The following RABAC1 variants were observed in gnomAD, a reference collection of about 807,000 sequenced individuals.
RABAC1 encodes the protein Rab acceptor 1, also known as prenylated Rab acceptor protein 1.
Under a neutral mutation model 22.9 loss-of-function variants are expected in RABAC1, and 16 were observed. The observed-to-expected ratio is 0.70, with a 90% CI of 0.47 to 1.06. The LOEUF is 1.06. Among genes scored for constraint, RABAC1 ranks in the 50% least tolerant of loss-of-function variants. The probability of loss-of-function intolerance (pLI) is 0.00; values close to 1 mark genes in which losing one functional copy is unlikely to be tolerated. For missense variants in RABAC1, 227 were observed against 246.5 expected (o/e 0.92, Z 0.53); for synonymous variants, 139 against 107.7 (o/e 1.29, Z -1.80).
chr19:41,957,774 A>G lies in RABAC1; in HGVS notation c.367+512T>C, dbSNP rs116843228. The G allele has an allele frequency of 2.2e-3, 354 of 159,814 alleles. 6 individuals are homozygous for G. The South Asian group carries it at 0.048, about 22-fold the overall frequency. The allele number at this position is 159,814 out of a possible 1,614,324, so 9.9% of individuals were successfully genotyped here. ...AAACCTTGATTTTCCCCTGGGGGGA[A>G]TTTCCCCTGGCATTTTGTTTTCCCA... On this transcript the variant is annotated intron_variant, in intron 3 of 4. Transcript: ENST00000222008.
At chr19:41,957,191 C>A in intron 3 of RABAC1, 72 bp from the exon 4 acceptor site, 2 of 1,291,896 alleles carry the variant, frequency 1.5e-6, no homozygotes, top group Non-Finnish European at 2.2e-6. Flanking sequence ...CTGCTGCCCC[C>A]CAACAATCCG....
At chr19:41,958,683 A>C in intron 2 of RABAC1, 53 bp downstream of exon 2, 1 of 1,552,226 alleles carries the variant, frequency 6.4e-7, no homozygotes, top group Non-Finnish European at 8.8e-7. Flanking sequence ...CGGCGAGAGG[A>C]GGGGTCCAGC....
chr19:41,959,125 A>G, intron 1 of RABAC1, 112 bp downstream of exon 1: 2 of 1,480,426 alleles, frequency 1.4e-6, no homozygotes, highest in South Asian at 1.2e-5. Flanking sequence ...CGGGGCCAAC[A>G]CTTCTGCGGC....
intron 3 of RABAC1, chr19:41,958,020 T>G: frequency 2.5e-6 from 1 of 407,056 alleles, no homozygotes; most frequent in Non-Finnish European, 4.6e-6. Context: ...GGAGGAGTCA[T>G]GTGGTTTGAA....
chr19:41,957,999 GGA>G (rs1386675546), intron 3 of RABAC1: 1 of 366,748 alleles, frequency 2.7e-6, no homozygotes, highest in Non-Finnish European at 5.2e-6. Flanking sequence ...GGCAAGGGGA[GGA>G]GAGAGAGGGG....
Position 41,958,956 on chromosome 19 carries a change from G to A in RABAC1, c.57-8C>T, listed in dbSNP as rs1555857278. 1 of 1,554,272 alleles carries A rather than the reference G, an allele frequency of 6.4e-7. No homozygotes were observed. The highest frequency in any genetic ancestry group is 8.7e-7 in the Non-Finnish European group (1 of 1,155,054). Reference sequence around the variant, plus strand: ...AGCTTCGGCAGCAGGGTCCTGCGGGGGGTGGGGCCGGGTCAGTGGTGGACC... The same window carrying A: ...AGCTTCGGCAGCAGGGTCCTGCGGGAGGTGGGGCCGGGTCAGTGGTGGACC... On this transcript the variant is annotated splice_region_variant and splice_polypyrimidine_tract_variant and intron_variant, in intron 1 of 4. Coordinates refer to ENST00000222008, the MANE Select transcript of RABAC1 (RefSeq NM_006423.3).
chr19:41,958,340 C>T lies in RABAC1; in HGVS notation c.313G>A (p.Gly105Ser). ...CGCAGATAGAGAATGTAACAGGCGC[C>T]GAAAAAGACAGCCAGAGCCACCAGC... ...MLLVALAVFF[G>S]ACYILYLRTL... The change falls in exon 3 of 5, where the codon GGC becomes AGC. Residue 105 changes from glycine (G) to serine (S), a missense_variant. Physicochemically the swap from Gly to Ser is moderately conservative, Grantham distance 56. Transcript: ENST00000222008. The T allele has an allele frequency of 1.2e-6, 2 of 1,613,478 alleles. No homozygotes were observed. Among genetic ancestry groups the T allele is most frequent in the Non-Finnish European group, 8.5e-7 (1 of 1,179,894 alleles).
intron 2 of RABAC1, 88 bp from the exon 3 acceptor site, chr19:41,958,471 A>G (rs1276438321): frequency 1.7e-5 from 22 of 1,294,338 alleles, no homozygotes; most frequent in Non-Finnish European, 2.1e-5. Flanking sequence ...GCGGGCGGCA[A>G]GCTACATCCT....
chr19:41,958,368 C>A lies in RABAC1; in HGVS notation c.285G>T (p.Met95Ile). 1.2e-6 allele frequency: 2 copies of A among 1,613,468 alleles called. No individual in the cohort carries two copies. Among genetic ancestry groups the A allele is most frequent in the Non-Finnish European group, 1.7e-6 (2 of 1,179,816 alleles). ...LILYCVVTSP[M>I]LLVALAVFFG... ...AAAAGACAGCCAGAGCCACCAGCAACATAGGGGACGTCACCCTGGAGGAGG... is the reference window on the plus strand; with the variant it reads ...AAAAGACAGCCAGAGCCACCAGCAAAATAGGGGACGTCACCCTGGAGGAGG... Residue 95 changes from methionine to isoleucine, a missense_variant, in exon 3 of 5, where the codon ATG becomes ATT. Physicochemically the swap from Met to Ile is conservative, Grantham distance 10. Coordinates refer to ENST00000222008, the MANE Select transcript of RABAC1 (RefSeq NM_006423.3).
At position 41,956,736 on chromosome 19, in the gene RABAC1, G is replaced by C. The variant is rs1344273453; in HGVS notation, c.*110C>G. On this transcript the variant is annotated 3_prime_UTR_variant, in exon 5 of 5. Transcript: ENST00000222008. Reference sequence around the variant, plus strand: ...ATTTTCAAAGGCGGGATCCCTCCCCGGGCTTGTGATGGGACGGCGCTGTGG... The same window carrying C: ...ATTTTCAAAGGCGGGATCCCTCCCCCGGCTTGTGATGGGACGGCGCTGTGG... The C allele has an allele frequency of 2.0e-6, 2 of 978,306 alleles. No individual in the cohort carries two copies. The highest frequency in any genetic ancestry group is 3.3e-5 in the African/African-American group (2 of 60,514). 60.6% of individuals were successfully genotyped at this position (978,306 alleles called of 1,614,324 possible).
chr19:41,959,015 G>A (rs2075003616), intron 1 of RABAC1, 67 bp from the exon 2 acceptor site: 9 of 1,453,048 alleles, frequency 6.2e-6, no homozygotes, highest in South Asian at 5.3e-5. Context: ...AAAAGAAGGG[G>A]ACTAAGGGTG....
rs782136720 is a variant in RABAC1, at chr19:41,959,271, G to A, written c.22C>T (p.Gln8Ter). Residue 8 changes from glutamine to a stop codon, truncating the protein, a stop_gained, in exon 1 of 5, where the codon CAG (glutamine) becomes TAG (stop). Transcript: ENST00000222008. LOFTEE classifies it high-confidence loss of function. The stretch of plus-strand genomic sequence containing the variant: ...AGCCCTTCCGCCTCGGCATCTTTCT[G>A]CTGGTCCTTCTGCGCTGCCATGTCT... The part of the protein sequence containing the change: MAAQKDQ[Q>*]KDAEAEGLSG... 6.2e-7 allele frequency: 1 copy of A among 1,613,704 alleles called. No homozygotes were observed.
Position 41,957,189 on chromosome 19 carries a change from C to T in RABAC1, c.368-70G>A, listed in dbSNP as rs1456518928. 3.9e-6 allele frequency: 5 copies of T among 1,284,954 alleles called. No homozygotes were observed. In the Admixed American group the frequency reaches 9.7e-5, roughly 25 times the overall value. The allele number at this position is 1,284,954 out of a possible 1,614,324, so 79.6% of individuals were successfully genotyped here. ...CTCTCCCAGAGTAACCCCTGCTGCC[C>T]CCCAACAATCCGTACAAGCTCCAGG... On this transcript the variant is annotated intron_variant, in intron 3 of 4. Coordinates refer to ENST00000222008, the MANE Select transcript of RABAC1 (RefSeq NM_006423.3).
At chr19:41,957,188 C>T in intron 3 of RABAC1, 69 bp from the exon 4 acceptor site, 1 of 1,312,626 alleles carries the variant, frequency 7.6e-7, no homozygotes, top group Non-Finnish European at 1.1e-6. Context: ...CCCCTGCTGC[C>T]CCCCAACAAT....
Position 41,958,878 on chromosome 19 carries a change from G to C in RABAC1, c.127C>G (p.Arg43Gly). 1 of 1,601,160 alleles carries C rather than the reference G, an allele frequency of 6.2e-7. No homozygotes were observed. Among genetic ancestry groups the C allele is most frequent in the Non-Finnish European group, 8.5e-7 (1 of 1,177,424 alleles). The change falls in exon 2 of 5, where the codon CGG becomes GGG. Residue 43 changes from arginine (R) to glycine (G), a missense_variant. Coordinates refer to ENST00000222008, the MANE Select transcript of RABAC1 (RefSeq NM_006423.3). ...EWLERRRATI[R>G]PWSTFVDQQR... ...TGGTCCACGAAGGTGCTCCAGGGCC[G>C]GATGGTCGCGCGGCGCCGCTCCAGC... is the stretch of plus-strand genomic sequence containing the variant.
chr19:41,958,463 G>C (rs951393466), intron 2 of RABAC1, 80 bp from the exon 3 acceptor site: 22 of 1,371,062 alleles, frequency 1.6e-5, no homozygotes, highest in East Asian at 2.4e-5. Flanking sequence ...CTCCACCGGC[G>C]GGCGGCAAGC....
At chr19:41,957,341 T>TCTGC in intron 3 of RABAC1, 1 of 550,328 alleles carries the variant, frequency 1.8e-6, no homozygotes. Flanking sequence ...AGCCCCACCC[T>TCTGC]CTGCCCTCTG....
In RABAC1 at chr19:41,956,764, C is replaced by G; in HGVS notation, c.*82G>C. 2 of 1,323,768 alleles carry G rather than the reference C, an allele frequency of 1.5e-6. No homozygotes were observed. Among genetic ancestry groups the G allele is most frequent in the Non-Finnish European group, 1.0e-6 (1 of 967,034 alleles). 82.0% of individuals were successfully genotyped at this position (1,323,768 alleles called of 1,614,324 possible). ...CTTGTGATGGGACGGCGCTGTGGGC[C>G]CGAGCAGCAGAGCCGTGCAGGACAG... On this transcript the variant is annotated 3_prime_UTR_variant, in exon 5 of 5. Transcript: ENST00000222008.
chr19:41,959,244 T>C lies in RABAC1; in HGVS notation c.49A>G (p.Ser17Gly). Residue 17 changes from serine (S) to glycine (G), a missense_variant, in exon 1 of 5, where the codon AGC becomes GGC. By Grantham distance (56) the Ser-to-Gly change is moderately conservative. Coordinates refer to ENST00000222008, the MANE Select transcript of RABAC1 (RefSeq NM_006423.3). ...TAGAGCCAGCTCGCTCACGTGCCGC[T>C]CAGCCCTTCCGCCTCGGCATCTTTC... ...QQKDAEAEGL[S>G]GTTLLPKLIP... 6.2e-7 allele frequency: 1 copy of C among 1,613,558 alleles called. No homozygotes were observed. The highest frequency in any genetic ancestry group is 8.5e-7 in the Non-Finnish European group (1 of 1,179,926).
Sources: gnomAD v4.1 joint callset for allele counts on GRCh38, gnomAD v4.1.1 for gene constraint, MANE v1.5 for transcripts, NCBI Gene and HGNC (gene_info 2026-07-23, HGNC 2026-07-21) for gene names.